Variants in PRMT5 observed in about 807,000 individuals in gnomAD.
The protein encoded by PRMT5 is protein arginine methyltransferase 5.
PRMT5 carries 15 observed loss-of-function variants against 84.0 expected under a neutral mutation model. The observed-to-expected ratio is 0.18, with a 90% CI of 0.12 to 0.28. The LOEUF is 0.28. Among genes scored for constraint, PRMT5 ranks in the 10% least tolerant of loss-of-function variants. The pLI, the probability that PRMT5 is intolerant of heterozygous loss-of-function variation, is 1.00. For synonymous variants in PRMT5, 276 were observed against 292.4 expected (o/e 0.94, Z 0.57); for missense variants, 486 against 808.0 (o/e 0.60, Z 4.83).
chr14:22,920,719 G>C lies in PRMT5; in HGVS notation c.*185C>G, dbSNP rs2044255505. ...CCCTGGCCTGAGGTCTTCATAGATT[G>C]GTGGCTTGAGCCCTGCAATTAATTA... On this transcript the variant is annotated 3_prime_UTR_variant, in exon 17 of 17. Transcript: ENST00000324366. 1 of 863,052 alleles carries C rather than the reference G, an allele frequency of 1.2e-6. No homozygotes were observed. Among genetic ancestry groups the C allele is most frequent in the African/African-American group, 1.7e-5 (1 of 59,988 alleles). The allele number at this position is 863,052 out of a possible 1,614,324, so 53.5% of individuals were successfully genotyped here.
rs1383502192 is a variant in PRMT5 at position 22,926,270 on chromosome 14, A to G, written c.640T>C (p.Ser214Pro). Residue 214 changes from serine to proline, a missense_variant, in exon 7 of 17, where the codon TCT (serine) becomes CCT (proline). By Grantham distance (74) the Ser-to-Pro change is moderately conservative (BLOSUM62 -1). Around this residue, in one of 4 missense-constraint regions of PRMT5, gnomAD observed 215 missense variants for 301.1 expected, o/e 0.71. Transcript: ENST00000324366. ...VALEIGADLP[S>P]NHVIDRWLGE... ...AGCCAGCGATCAATGACATGATTAGATGGGAGGTCAGCCCCAATTTCAAGA... is the reference window on the plus strand; with the variant it reads ...AGCCAGCGATCAATGACATGATTAGGTGGGAGGTCAGCCCCAATTTCAAGA... 1 of 1,613,852 alleles carries G rather than the reference A, an allele frequency of 6.2e-7. No homozygotes were observed. The highest frequency in any genetic ancestry group is 2.2e-5 in the East Asian group (1 of 44,886).
At chr14:22,922,867 G>A (rs763543668) in intron 13 of PRMT5, 32 bp from the exon 14 acceptor site, 1 of 1,592,404 alleles carries the variant, frequency 6.3e-7, no homozygotes, top group Non-Finnish European at 8.6e-7. Context: ...AGAGAGTGTT[G>A]GGGAAGACAC....
At chr14:22,927,084 CTT>C (rs34007516) in intron 4 of PRMT5, among the ~76,000 whole-genome samples, 37 of 132,454 alleles carry the variant, frequency 2.8e-4, no homozygotes, top group Admixed American at 5.3e-4. Flanking sequence ...CAATACTGAC[CTT>C]TTTTTTTTTT....
chr14:22,929,236 G>A lies in PRMT5; in HGVS notation c.110+16C>T. ...GTTCGGACCCCGCATTCCGCTCGTG[G>A]AGGTCCGGCCCTCACCCCTGCTTGG... On this transcript the variant is annotated intron_variant, in intron 1 of 16. Transcript: ENST00000324366. The A allele has an allele frequency of 6.2e-7, 1 of 1,613,882 alleles. No homozygotes were observed.
Position 22,927,605 on chromosome 14 carries a change from A to G in PRMT5, c.371T>C (p.Leu124Pro). 1 of 1,614,150 alleles carries G rather than the reference A, an allele frequency of 6.2e-7. No homozygotes were observed. ...GAYLGLPAFLLPLNQEDNTNL... is the reference protein window; with the variant it reads ...GAYLGLPAFLPPLNQEDNTNL... ...GGTGTTATCTTCCTGATTAAGGGGCAGCAGGAAAGCTGGAAGACCCAAATA... is the reference window on the plus strand; with the variant it reads ...GGTGTTATCTTCCTGATTAAGGGGCGGCAGGAAAGCTGGAAGACCCAAATA... Residue 124 changes from leucine (L) to proline (P), a missense_variant, in exon 4 of 17, where the codon CTG (leucine) becomes CCG (proline). Physicochemically the swap from Leu to Pro is moderately conservative, Grantham distance 98. Coordinates refer to ENST00000324366, the MANE Select transcript of PRMT5 (RefSeq NM_006109.5).
chr14:22,922,090 A>G, intron 16 of PRMT5, 86 bp downstream of exon 16: 1 of 1,194,816 alleles, frequency 8.4e-7, no homozygotes, highest in Admixed American at 1.7e-5. Context: ...AGTCATAGTC[A>G]ACTATCTTCC....
chr14:22,927,446 T>C lies in PRMT5; in HGVS notation c.450+80A>G, dbSNP rs934546269. ...CAATTCTGCCAAACACACCCTTCAC[T>C]GAATGGCTAGGCACAAGAAGGTACT... On this transcript the variant is annotated intron_variant, in intron 4 of 16. Transcript: ENST00000324366. 7.6e-6 allele frequency: 12 copies of C among 1,571,386 alleles called. No individual in the cohort carries two copies. The Admixed American group carries it at 1.0e-4, about 13-fold the overall frequency.
chr14:22,927,402 CCCG>C (rs1198548794), intron 4 of PRMT5, 121 bp downstream of exon 4: 8 of 1,355,434 alleles, frequency 5.9e-6, no homozygotes, highest in Admixed American at 5.7e-5. Flanking sequence ...ACCCACTGTG[CCCG>C]CCAATACTGA....
At position 22,926,406 on chromosome 14, in the gene PRMT5, A is replaced by C. The variant is rs563030072; in HGVS notation, c.613+100T>G. 5.7e-6 allele frequency: 9 copies of C among 1,589,904 alleles called. No homozygotes were observed. In the African/African-American group the frequency reaches 1.1e-4, roughly 19 times the overall value. On this transcript the variant is annotated intron_variant, in intron 6 of 16. Coordinates refer to ENST00000324366, the MANE Select transcript of PRMT5 (RefSeq NM_006109.5). Reference sequence around the variant, plus strand: ...TTAAGAGAAAGCCAGTCTGAGACAGAGGGGAAGTAGCAAAATTGTATACTA... The same window carrying C: ...TTAAGAGAAAGCCAGTCTGAGACAGCGGGGAAGTAGCAAAATTGTATACTA...
chr14:22,926,660 C>A, intron 5 of PRMT5, 42 bp downstream of exon 5: 1 of 1,603,570 alleles, frequency 6.2e-7, no homozygotes, highest in Non-Finnish European at 8.5e-7. Context: ...TTCCCCTCAC[C>A]CTATCCCTTG....
At position 22,921,017 on chromosome 14, in the gene PRMT5, G is replaced by A. The variant is rs373448119; in HGVS notation, c.1801C>T (p.Arg601Cys). ...TVREGQTICVRFWRCSNSKKV... is the reference protein window; with the variant it reads ...TVREGQTICVCFWRCSNSKKV... ...TTGGAATTGCTGCATCGCCAGAAAC[G>A]CACACAGATGGTTTGGCCTTCACGT... The change falls in exon 17 of 17, where the codon CGT (arginine) becomes TGT (cysteine). Residue 601 changes from arginine to cysteine, a missense_variant. Coordinates refer to ENST00000324366, the MANE Select transcript of PRMT5 (RefSeq NM_006109.5). The A allele has an allele frequency of 2.5e-6, 4 of 1,614,206 alleles. No homozygotes were observed. Among genetic ancestry groups the A allele is most frequent in the South Asian group, 1.1e-5 (1 of 91,086 alleles).
Position 22,928,197 on chromosome 14 carries a change from T to C in PRMT5, c.244A>G (p.Ile82Val). 6.2e-7 allele frequency: 1 copy of C among 1,614,106 alleles called. No homozygotes were observed. The highest frequency in any genetic ancestry group is 1.1e-5 in the South Asian group (1 of 91,080). Residue 82 changes from isoleucine to valine, a missense_variant, in exon 3 of 17, where the codon ATT (isoleucine) becomes GTT (valine). By Grantham distance (29) the Ile-to-Val change is conservative (BLOSUM62 3). Around this residue, in one of 4 missense-constraint regions of PRMT5, gnomAD observed 215 missense variants for 301.1 expected, o/e 0.71. Transcript: ENST00000324366. The surrounding 1 kb of genome is among the most constrained non-coding windows in gnomAD (Gnocchi z 4.8). The stretch of plus-strand genomic sequence containing the variant: ...ATCCATGGAGAAAGCTTTCCCACAA[T>C]TAGCGTATTCCAGTCTGCACTCCCC... ...LLSGRDWNTL[I>V]VGKLSPWIRP...
At position 22,928,734 on chromosome 14, in the gene PRMT5, A is replaced by G. The variant is rs1437695277; in HGVS notation, c.111-119T>C. 1 of 848,144 alleles carries G rather than the reference A, an allele frequency of 1.2e-6. No homozygotes were observed. 52.5% of individuals were successfully genotyped at this position (848,144 alleles called of 1,614,324 possible). A position where few individuals can be genotyped will look rare whatever the true frequency, so the allele number is the denominator to read the frequency against. ...CTTTCAGCTGCCATCAGTTCAGCCT[A>G]CTAGGCTGCTGAGTTCAGACCACCT... On this transcript the variant is annotated intron_variant, in intron 1 of 16. Coordinates refer to ENST00000324366, the MANE Select transcript of PRMT5 (RefSeq NM_006109.5). The surrounding 1 kb of genome is among the most constrained non-coding windows in gnomAD (Gnocchi z 4.8).
In PRMT5 at chr14:22,922,493, T is replaced by C. The variant is rs559777463; in HGVS notation, c.1646A>G (p.His549Arg). Reference protein sequence around the residue: ...EFPVEVNTVLHGFAGYFETVL... With the variant: ...EFPVEVNTVLRGFAGYFETVL... The stretch of plus-strand genomic sequence containing the variant: ...AGTCTCAAAGTAGCCGGCAAAGCCA[T>C]GTAGTACTGTGTTCACCTCCACAGG... The change falls in exon 15 of 17, where the codon CAT (histidine) becomes CGT (arginine). Residue 549 changes from histidine to arginine, a missense_variant. Around this residue, in one of 4 missense-constraint regions of PRMT5, gnomAD observed 219 missense variants for 433.6 expected, o/e 0.51. Coordinates refer to ENST00000324366, the MANE Select transcript of PRMT5 (RefSeq NM_006109.5). 6.2e-7 allele frequency: 1 copy of C among 1,614,166 alleles called. No individual in the cohort carries two copies. Among genetic ancestry groups the C allele is most frequent in the Non-Finnish European group, 8.5e-7 (1 of 1,180,020 alleles).
Position 22,926,188 on chromosome 14 carries a change from T to C in PRMT5, c.722A>G (p.Lys241Arg). Reference protein sequence around the residue: ...LPTSIFLTNKKGFPVLSKMHQ... With the variant: ...LPTSIFLTNKRGFPVLSKMHQ... ...CATCTTAGAAAGAACAGGAAATCCC[T>C]TCTTATTGGTCAGGAAAATGCTAGT... The change falls in exon 7 of 17, where the codon AAG (lysine) becomes AGG (arginine). Residue 241 changes from lysine (K) to arginine (R), a missense_variant. Lys to Arg is a conservative substitution (Grantham distance 26). Around this residue, in one of 4 missense-constraint regions of PRMT5, gnomAD observed 215 missense variants for 301.1 expected, o/e 0.71. Transcript: ENST00000324366. 1 of 1,613,264 alleles carries C rather than the reference T, an allele frequency of 6.2e-7. No homozygotes were observed. Among genetic ancestry groups the C allele is most frequent in the Non-Finnish European group, 8.5e-7 (1 of 1,179,240 alleles).
At position 22,928,457 on chromosome 14, in the gene PRMT5, T is replaced by C; in HGVS notation, c.229+40A>G. 6.7e-7 allele frequency: 1 copy of C among 1,486,492 alleles called. No individual in the cohort carries two copies. The highest frequency in any genetic ancestry group is 9.4e-7 in the Non-Finnish European group (1 of 1,064,264). The allele number at this position is 1,486,492 out of a possible 1,614,324, so 92.1% of individuals were successfully genotyped here. A position where few individuals can be genotyped will look rare whatever the true frequency, so the allele number is the denominator to read the frequency against. ...GGCCCCGATAAAGCAGAAGTTGTTATTGCCTCTAATAATTAAGGGGCATAT... is the reference window on the plus strand; with the variant it reads ...GGCCCCGATAAAGCAGAAGTTGTTACTGCCTCTAATAATTAAGGGGCATAT... On this transcript the variant is annotated intron_variant, in intron 2 of 16. Coordinates refer to ENST00000324366, the MANE Select transcript of PRMT5 (RefSeq NM_006109.5). This position sits in a 1 kb window ranked among gnomAD's most constrained non-coding sequence, Gnocchi z 4.8.
At position 22,920,983 on chromosome 14, in the gene PRMT5, C is replaced by T; in HGVS notation, c.1835G>A (p.Trp612Ter). 1.2e-6 allele frequency: 2 copies of T among 1,614,212 alleles called. No individual in the cohort carries two copies. The highest frequency in any genetic ancestry group is 1.7e-6 in the Non-Finnish European group (2 of 1,180,036). Residue 612 changes from tryptophan (W) to a stop codon, truncating the protein, a stop_gained, in exon 17 of 17, where the codon TGG (tryptophan) becomes TAG (stop). Coordinates refer to ENST00000324366, the MANE Select transcript of PRMT5 (RefSeq NM_006109.5). LOFTEE classifies it high-confidence loss of function. ...TGGTGCTGTCACAGCCCACTCATAC[C>T]ACACCTTCTTGGAATTGCTGCATCG... ...FWRCSNSKKV[W>*]YEWAVTAPVC...
chr14:22,926,673 C>T (rs747976707), intron 5 of PRMT5, 29 bp downstream of exon 5: 84 of 1,605,304 alleles, frequency 5.2e-5, no homozygotes, highest in Non-Finnish European at 6.7e-5. Context: ...ATCCCTTGCA[C>T]CCTGGTACAG....
In PRMT5 at chr14:22,920,732, C is replaced by T; in HGVS notation, c.*172G>A. ...TCTTCATAGATTGGTGGCTTGAGCC[C>T]TGCAATTAATTATAATCCCTTGCCC... On this transcript the variant is annotated 3_prime_UTR_variant, in exon 17 of 17. Transcript: ENST00000324366. 1 of 984,592 alleles carries T rather than the reference C, an allele frequency of 1.0e-6. No homozygotes were observed. The highest frequency in any genetic ancestry group is 2.6e-5 in the East Asian group (1 of 38,826). The allele number at this position is 984,592 out of a possible 1,614,324, so 61.0% of individuals were successfully genotyped here. A position where few individuals can be genotyped will look rare whatever the true frequency, so the allele number is the denominator to read the frequency against.
Sources: gnomAD v4.1 joint callset for allele counts (sites outside exome capture counted in the v4.1 genomes callset) on GRCh38, gnomAD v4.1.1 for gene constraint, gnomAD v4.1.1 regional missense constraint, Gnocchi (gnomAD v3.1) non-coding constraint, MANE v1.5 for transcripts, NCBI Gene and HGNC (gene_info 2026-07-23, HGNC 2026-07-21) for gene names.